Variants in ZNF441 observed in about 807,000 individuals in gnomAD.
The protein encoded by ZNF441 is zinc finger protein 441.
A neutral mutation model predicts 64.5 loss-of-function variants in ZNF441; 25 were observed. The observed-to-expected ratio is 0.39, with a 90% CI of 0.28 to 0.54. The LOEUF is 0.54. Ranked by LOEUF, ZNF441 falls within the 20% of genes least tolerant of loss-of-function variation. ZNF441 has a pLI of 0.70. For missense variants in ZNF441, 715 were observed against 843.3 expected, an observed-to-expected ratio of 0.85 and a Z score of 1.88; for synonymous variants, 262 against 268.0, an observed-to-expected ratio of 0.98 and a Z score of 0.22.
At chr19:11,775,752 C>T (rs558325512) in intron 1 of ZNF441, among the ~76,000 whole-genome samples, 1 of 151,130 alleles carries the variant, frequency 6.6e-6, no homozygotes, top group Non-Finnish European at 1.5e-5. Flanking sequence ...CTAAGCCTCT[C>T]GAGTAGCTGG....
In ZNF441 at chr19:11,782,482, TTCTG is replaced by T. The variant is rs1975412180; in HGVS notation, c.*578_*581del. On this transcript the variant is annotated 3_prime_UTR_variant, in exon 4 of 4. Transcript: ENST00000357901. ...CTTATAATACACAATGCATTGTAAA[TTCTG>T]TATAAGTTGCTTTTGTATTATTTAG... 1 of 152,222 alleles carries T rather than the reference TTCTG, an allele frequency of 6.6e-6. No individual in the cohort carries two copies. Among genetic ancestry groups the T allele is most frequent in the South Asian group, 2.1e-4 (1 of 4,832 alleles). 9.4% of individuals were successfully genotyped at this position (152,222 alleles called of 1,614,324 possible).
In ZNF441 at chr19:11,771,923, G is replaced by A. The variant is rs12986258; in HGVS notation, c.3+4727G>A. ...GGTTTGTCCGCAGTTACCTGGAGGC[G>A]TAACCATCTCCCTGTCATGCTGTGC... is the stretch of plus-strand genomic sequence containing the variant. On this transcript the variant is annotated intron_variant, in intron 1 of 3. Transcript: ENST00000357901. Among the ~76,000 whole-genome samples the A allele has an allele frequency of 3.3e-5, 5 of 152,058 alleles. No individual in the cohort carries two copies. The East Asian group carries it at 5.8e-4, about 18-fold the overall frequency.
Position 11,780,648 on chromosome 19 carries a change from C to A in ZNF441, c.824C>A (p.Thr275Asn). ...ACTCAACTATATGAAAGGACTCACA[C>A]TGGAGAACAATCCTATGAATGTAAG... ...CYTQLYERTH[T>N]GEQSYECKQC... is the part of the protein sequence containing the mutation. Residue 275 changes from threonine (T) to asparagine (N), a missense_variant, in exon 4 of 4, where the codon ACT becomes AAT. By Grantham distance (65) the Thr-to-Asn change is moderately conservative (BLOSUM62 0). Transcript: ENST00000357901. 6.2e-7 allele frequency: 1 copy of A among 1,614,148 alleles called. No homozygotes were observed. Among genetic ancestry groups the A allele is most frequent in the Non-Finnish European group, 8.5e-7 (1 of 1,180,022 alleles).
chr19:11,775,383 G>A (rs1975346025), intron 1 of ZNF441, among the ~76,000 whole-genome samples: 1 of 152,150 alleles, frequency 6.6e-6, no homozygotes, highest in Non-Finnish European at 1.5e-5. Context: ...AGGCTGGGGT[G>A]CAGTGGGGCA....
intron 1 of ZNF441, among the ~76,000 whole-genome samples, chr19:11,772,688 A>T (rs1376070655): frequency 6.6e-6 from 1 of 152,186 alleles, no homozygotes; most frequent in Non-Finnish European, 1.5e-5. Flanking sequence ...CCTGGGCAAC[A>T]TGGTGAAACC....
rs534378183 is a variant in ZNF441 at position 11,770,786 on chromosome 19, A to G, written c.3+3590A>G. On this transcript the variant is annotated intron_variant, in intron 1 of 3. Transcript: ENST00000357901. ...GTGTTTTCTGTAGAGATGGGGTTTC[A>G]CCATGTTGCCGAGGCTGGTCTTGAA... Among the ~76,000 whole-genome samples the G allele has an allele frequency of 2.6e-5, 4 of 152,038 alleles. No individual in the cohort carries two copies. In the South Asian group the frequency reaches 8.3e-4, roughly 32 times the overall value.
At chr19:11,771,986 T>A (rs2145078490) in intron 1 of ZNF441, among the ~76,000 whole-genome samples, 1 of 152,324 alleles carries the variant, frequency 6.6e-6, no homozygotes, top group Non-Finnish European at 1.5e-5. Flanking sequence ...TCATGTTCCA[T>A]CCTGTACACC....
At chr19:11,770,118 G>T (rs1166815644) in intron 1 of ZNF441, among the ~76,000 whole-genome samples, 1 of 152,142 alleles carries the variant, frequency 6.6e-6, no homozygotes, top group Non-Finnish European at 1.5e-5. Flanking sequence ...TACCAGAAAA[G>T]AGGTTTAATT....
chr19:11,782,200 A>C lies in ZNF441; in HGVS notation c.*294A>C. 1 of 229,074 alleles carries C rather than the reference A, an allele frequency of 4.4e-6. No homozygotes were observed. Among genetic ancestry groups the C allele is most frequent in the Non-Finnish European group, 8.5e-6 (1 of 117,202 alleles). The allele number at this position is 229,074 out of a possible 1,614,324, so 14.2% of individuals were successfully genotyped here. A position where few individuals can be genotyped will look rare whatever the true frequency, so the allele number is the denominator to read the frequency against. On this transcript the variant is annotated 3_prime_UTR_variant, in exon 4 of 4. Transcript: ENST00000357901. The stretch of plus-strand genomic sequence containing the variant: ...CTGTAAGGAATGTAGAAATGCATTT[A>C]CTAGTCCTAATTCATTTCAGTTACA...
At chr19:11,771,744 ACGCCCGTTGCCAGG>A (rs1353215489) in intron 1 of ZNF441, among the ~76,000 whole-genome samples, 1 of 152,216 alleles carries the variant, frequency 6.6e-6, no homozygotes, top group Non-Finnish European at 1.5e-5. Flanking sequence ...GTCTGGGAAG[ACGCCCGTTGCCAGG>A]CGGTCCGTGG....
chr19:11,778,447 C>G, intron 3 of ZNF441, 54 bp downstream of exon 3: 1 of 1,324,698 alleles, frequency 7.5e-7, no homozygotes, highest in Non-Finnish European at 1.0e-6. Context: ...CATAGTATGC[C>G]AGAAATTTTA....
chr19:11,780,017 A>C lies in ZNF441; in HGVS notation c.195-2A>C. The stretch of plus-strand genomic sequence containing the variant: ...TACTAATGTACTTCTTATTTTTTAC[A>C]GATGTCATATGGTAGAGAGAGCCTG... On this transcript the variant is annotated splice_acceptor_variant, in intron 3 of 3. Transcript: ENST00000357901. LOFTEE classifies it high-confidence loss of function. The C allele has an allele frequency of 8.8e-6, 14 of 1,589,280 alleles. No homozygotes were observed. The highest frequency in any genetic ancestry group is 1.2e-5 in the Non-Finnish European group (14 of 1,165,934).
chr19:11,780,836 T>C lies in ZNF441; in HGVS notation c.1012T>C (p.Cys338Arg). The C allele has an allele frequency of 6.2e-7, 1 of 1,614,124 alleles. No homozygotes were observed. Among genetic ancestry groups the C allele is most frequent in the Non-Finnish European group, 8.5e-7 (1 of 1,180,012 alleles). Reference protein sequence around the residue: ...RTHTGEKPYECKYCGKAFSDC... With the variant: ...RTHTGEKPYERKYCGKAFSDC... ...TCACACTGGAGAGAAACCGTATGAATGTAAGTATTGTGGGAAAGCATTCTC... is the reference window on the plus strand; with the variant it reads ...TCACACTGGAGAGAAACCGTATGAACGTAAGTATTGTGGGAAAGCATTCTC... The change falls in exon 4 of 4, where the codon TGT becomes CGT. Residue 338 changes from cysteine to arginine, a missense_variant. Coordinates refer to ENST00000357901, the MANE Select transcript of ZNF441 (RefSeq NM_152355.3).
chr19:11,782,710 T>C lies in ZNF441; in HGVS notation c.*804T>C, dbSNP rs2145086147. The C allele has an allele frequency of 6.6e-6, 1 of 152,350 alleles. No individual in the cohort carries two copies. The highest frequency in any genetic ancestry group is 2.1e-4 in the South Asian group (1 of 4,830). The allele number at this position is 152,350 out of a possible 1,614,324, so 9.4% of individuals were successfully genotyped here. A position where few individuals can be genotyped will look rare whatever the true frequency, so the allele number is the denominator to read the frequency against. On this transcript the variant is annotated 3_prime_UTR_variant, in exon 4 of 4. Coordinates refer to ENST00000357901, the MANE Select transcript of ZNF441 (RefSeq NM_152355.3). ...ATTATAGGAAGCTGTTCCTTCTTTT[T>C]CTTTACATCACCAAACCTTCCAGTG... is the stretch of plus-strand genomic sequence containing the variant.
chr19:11,778,463 TTTTG>T lies in ZNF441; in HGVS notation c.194+78_194+81del, dbSNP rs753246535. 6.4e-4 allele frequency: 796 copies of T among 1,245,634 alleles called. 2 individuals are homozygous for T. The highest frequency in any genetic ancestry group is 1.5e-3 in the South Asian group (109 of 71,520). The allele number at this position is 1,245,634 out of a possible 1,614,324, so 77.2% of individuals were successfully genotyped here. A position where few individuals can be genotyped will look rare whatever the true frequency, so the allele number is the denominator to read the frequency against. On this transcript the variant is annotated intron_variant, in intron 3 of 3. Transcript: ENST00000357901. ...ATAGTATGCCAGAAATTTTATTTTATTTTGTTTGTTTTAGAGACAGTGTCTCACT... is the reference window on the plus strand; with the variant it reads ...ATAGTATGCCAGAAATTTTATTTTATTTTGTTTTAGAGACAGTGTCTCACT...
At position 11,780,727 on chromosome 19, in the gene ZNF441, G is replaced by A. The variant is rs758161177; in HGVS notation, c.903G>A (p.Val301=). ...GAAGCTTTCAAAGACACATGATAGT[G>A]CACACTGGAGATGGGCCTCATAAAT... is the stretch of plus-strand genomic sequence containing the variant. ...HLGSFQRHMI[V]HTGDGPHKCK... is the part of the protein sequence containing the mutation. Residue 301 remains valine (V), a synonymous_variant, in exon 4 of 4, where the codon GTG becomes GTA. Coordinates refer to ENST00000357901, the MANE Select transcript of ZNF441 (RefSeq NM_152355.3). The A allele has an allele frequency of 3.1e-6, 5 of 1,614,072 alleles. No homozygotes were observed. The highest frequency in any genetic ancestry group is 4.2e-6 in the Non-Finnish European group (5 of 1,180,012).
rs1038329476 is a variant in ZNF441 at position 11,781,821 on chromosome 19, G to A, written c.1997G>A (p.Ser666Asn). The A allele has an allele frequency of 1.9e-6, 3 of 1,613,962 alleles. No homozygotes were observed. The Admixed American group carries it at 5.0e-5, about 27-fold the overall frequency. The stretch of plus-strand genomic sequence containing the variant: ...TTTCATAAACATGAAAGGACCCACA[G>A]TATGGAGAAACCCTATAAGTGTAAA... ...SAFHKHERTH[S>N]MEKPYKCKEC... is the part of the protein sequence containing the mutation. Residue 666 changes from serine to asparagine, a missense_variant, in exon 4 of 4, where the codon AGT (serine) becomes AAT (asparagine). Coordinates refer to ENST00000357901, the MANE Select transcript of ZNF441 (RefSeq NM_152355.3).
intron 1 of ZNF441, among the ~76,000 whole-genome samples, chr19:11,771,332 G>C (rs1975311587): frequency 6.6e-6 from 1 of 152,060 alleles, no homozygotes; most frequent in Admixed American, 6.6e-5. Context: ...CACAAAAGGA[G>C]AACTAATTAA....
rs1459360863 is a variant in ZNF441, at chr19:11,767,711, C to T, written c.3+515C>T. ...ACCGCATTCTTCTGCTGAGTGGGTT[C>T]CCTTGTGGGGTCTTCAGCCTGGTTG... On this transcript the variant is annotated intron_variant, in intron 1 of 3. Coordinates refer to ENST00000357901, the MANE Select transcript of ZNF441 (RefSeq NM_152355.3). This position sits in a 1 kb window ranked among gnomAD's most constrained non-coding sequence, Gnocchi z 5.1. 9.2e-5 allele frequency among the ~76,000 whole-genome samples: 14 copies of T among 152,142 alleles called. No homozygotes were observed. Among genetic ancestry groups the T allele is most frequent in the Non-Finnish European group, 2.9e-5 (2 of 68,028 alleles).
Sources: allele counts gnomAD v4.1 joint callset (sites outside exome capture counted in the v4.1 genomes callset), GRCh38; gene constraint gnomAD v4.1.1; non-coding constraint Gnocchi (gnomAD v3.1); transcripts MANE v1.5; gene names NCBI Gene and HGNC (gene_info 2026-07-23, HGNC 2026-07-21).